The following BAIAP2 variants were observed in gnomAD, a reference collection of about 807,000 sequenced individuals.
BAIAP2 encodes BAR/IMD domain-containing adapter protein 2.
In BAIAP2, 18 loss-of-function variants were observed where a neutral mutation model predicts 63.0. The ratio of observed to expected loss-of-function variants is 0.29; its 90% CI spans 0.20 to 0.42. The LOEUF (loss-of-function observed/expected upper bound fraction) is 0.42. Among genes scored for constraint, BAIAP2 ranks in the 10% least tolerant of loss-of-function variants. The probability of loss-of-function intolerance (pLI) is 1.00; values close to 1 mark genes in which losing one functional copy is unlikely to be tolerated. For synonymous variants in BAIAP2, 386 were observed against 307.6 expected (o/e 1.25, Z -2.67); for missense variants, 610 against 734.3 (o/e 0.83, Z 1.96).
chr17:81,116,639 A>AC lies in BAIAP2; in HGVS notation c.*802dup. The AC allele has an allele frequency of 2.7e-6, 1 of 375,406 alleles. No individual in the cohort carries two copies. The highest frequency in any genetic ancestry group is 3.9e-5 in the South Asian group (1 of 25,432). The allele number at this position is 375,406 out of a possible 1,614,324, so 23.3% of individuals were successfully genotyped here. On this transcript the variant is annotated 3_prime_UTR_variant, in exon 14 of 14. Coordinates refer to ENST00000428708, the MANE Select transcript of BAIAP2 (RefSeq NM_001144888.2). ...GGTCTGCCCCAGGACTCCTGGGTGG[A>AC]CCTCCCCCCCCCACCTCCGCTGACT...
chr17:81,057,987 C>T lies in BAIAP2; in HGVS notation c.217+20C>T, dbSNP rs111933912. The T allele has an allele frequency of 2.6e-5, 30 of 1,149,204 alleles. 1 individual carries two copies. The highest frequency in any genetic ancestry group is 1.6e-4 in the Admixed American group (6 of 37,120). The allele number at this position is 1,149,204 out of a possible 1,614,324, so 71.2% of individuals were successfully genotyped here. A position where few individuals can be genotyped will look rare whatever the true frequency, so the allele number is the denominator to read the frequency against. On this transcript the variant is annotated intron_variant, in intron 3 of 13. Transcript: ENST00000428708. ...AACTCGGTGAGACCCCCCCCCCCCC[C>T]CCGCCTGGTAGTCGCCTGATGCCCT...
intron 1 of BAIAP2, among the ~76,000 whole-genome samples, chr17:81,038,500 G>A (rs1036052511): frequency 6.6e-6 from 1 of 152,224 alleles, no homozygotes. Context: ...TGTTGCAGAC[G>A]TGGCCATGGC....
intron 1 of BAIAP2, among the ~76,000 whole-genome samples, chr17:81,041,372 G>C (rs1453986362): frequency 6.6e-6 from 1 of 152,194 alleles, no homozygotes; most frequent in Non-Finnish European, 1.5e-5. Context: ...TGATGGGCAG[G>C]GGTGGGATGC....
At chr17:81,087,970 G>A (rs1006615961) in intron 6 of BAIAP2, 4 of 152,070 alleles carry the variant, frequency 2.6e-5, no homozygotes, top group Admixed American at 1.3e-4. Flanking sequence ...CTGCTGCAGC[G>A]AGCCGTCCTC....
intron 3 of BAIAP2, among the ~76,000 whole-genome samples, chr17:81,078,983 C>A (rs956907543): frequency 6.6e-6 from 1 of 152,138 alleles, no homozygotes; most frequent in African/African-American, 2.4e-5. Context: ...AGACCAGGCT[C>A]AGCCTGCAGG....
chr17:81,090,657 C>G (rs1028935358), intron 6 of BAIAP2, among the ~76,000 whole-genome samples: 9 of 152,244 alleles, frequency 5.9e-5, no homozygotes, highest in Non-Finnish European at 2.9e-5. Flanking sequence ...GAGGCCAGGC[C>G]TCGGAGCCGT....
At chr17:81,086,626 A>G in intron 6 of BAIAP2, 46 bp downstream of exon 6, 1 of 1,608,074 alleles carries the variant, frequency 6.2e-7, no homozygotes, top group Non-Finnish European at 8.5e-7. Context: ...CCACCTTGGG[A>G]CTGCTCACCC....
Position 81,116,376 on chromosome 17 carries a change from C to T in BAIAP2, c.*537C>T. The T allele has an allele frequency of 1.9e-6, 3 of 1,582,456 alleles. No homozygotes were observed. The highest frequency in any genetic ancestry group is 2.3e-5 in the South Asian group (2 of 88,772). Reference sequence around the variant, plus strand: ...TGGAGTGTGGGGCCTGGTCCCTCCCCATGCCCCTCGGTGGGGCTCTCCTGG... The same window carrying T: ...TGGAGTGTGGGGCCTGGTCCCTCCCTATGCCCCTCGGTGGGGCTCTCCTGG... On this transcript the variant is annotated 3_prime_UTR_variant, in exon 14 of 14. Transcript: ENST00000428708.
chr17:81,064,852 A>G (rs1196807562), intron 3 of BAIAP2, among the ~76,000 whole-genome samples: 1 of 152,214 alleles, frequency 6.6e-6, no homozygotes, highest in Non-Finnish European at 1.5e-5. Context: ...GTTAACTCTC[A>G]GGGCTTTGCT....
At chr17:81,085,372 A>G (rs1456722562) in intron 4 of BAIAP2, 2 of 604,066 alleles carry the variant, frequency 3.3e-6, no homozygotes, top group East Asian at 5.9e-5. Context: ...GATCCCCAGC[A>G]TGGGACAGCA....
intron 3 of BAIAP2, among the ~76,000 whole-genome samples, chr17:81,080,274 G>A (rs911409124): frequency 2.6e-5 from 4 of 152,256 alleles, no homozygotes; most frequent in East Asian, 3.8e-4. Context: ...GCTGGTGGCC[G>A]GACACATTCA....
chr17:81,104,885 C>T (rs1470670464), intron 10 of BAIAP2, among the ~76,000 whole-genome samples, 170 bp downstream of exon 10: 2 of 152,118 alleles, frequency 1.3e-5, no homozygotes, highest in Admixed American at 6.5e-5. Flanking sequence ...GGGTCTTCGC[C>T]ACCAACAGGC....
intron 3 of BAIAP2, among the ~76,000 whole-genome samples, chr17:81,082,518 G>A (rs2054815512): frequency 6.6e-6 from 1 of 152,200 alleles, no homozygotes; most frequent in African/African-American, 2.4e-5. Flanking sequence ...CCCTGCGGTG[G>A]ATGGGATCCT....
In BAIAP2 at chr17:81,099,131, C is replaced by G. The variant is rs142400383; in HGVS notation, c.490-797C>G. Among the ~76,000 whole-genome samples, 850 of 152,286 alleles carry G rather than the reference C, an allele frequency of 5.6e-3. 6 individuals carry two copies. Among genetic ancestry groups the G allele is most frequent in the African/African-American group, 0.02 (812 of 41,502 alleles). On this transcript the variant is annotated intron_variant, in intron 6 of 13. Transcript: ENST00000428708. Reference sequence around the variant, plus strand: ...CACACCCTGTTCCGAAAGGCGTGACCTGTGGATCTGATCTTGCTGTCCCCG... The same window carrying G: ...CACACCCTGTTCCGAAAGGCGTGACGTGTGGATCTGATCTTGCTGTCCCCG...
At chr17:81,053,340 G>C in intron 1 of BAIAP2, 1 of 290,452 alleles carries the variant, frequency 3.4e-6, no homozygotes, top group Non-Finnish European at 6.5e-6. Flanking sequence ...ACGGCACCTC[G>C]GCAGCGGCGC....
chr17:81,100,513 C>T (rs1598781939), intron 7 of BAIAP2, among the ~76,000 whole-genome samples: 3 of 152,202 alleles, frequency 2.0e-5, no homozygotes, highest in African/African-American at 7.2e-5. Context: ...TATCCACAGT[C>T]CTGGGGTACA....
intron 11 of BAIAP2, 103 bp downstream of exon 11, chr17:81,106,249 C>T: frequency 8.1e-7 from 1 of 1,237,830 alleles, no homozygotes; most frequent in Admixed American, 2.1e-5. Context: ...GCTTCCGGCT[C>T]CTTGTCTGCT....
Position 81,085,791 on chromosome 17 carries a change from C to T in BAIAP2, c.351+66C>T, listed in dbSNP as rs540756540. ...GGCTCCGGCTCTCCCAAATGCCTGC[C>T]ACTCCTTCCTCGGCCTGAAGGCTTC... On this transcript the variant is annotated intron_variant, in intron 5 of 13. Coordinates refer to ENST00000428708, the MANE Select transcript of BAIAP2 (RefSeq NM_001144888.2). The T allele has an allele frequency of 2.1e-5, 27 of 1,291,170 alleles. No individual in the cohort carries two copies. The Admixed American group carries it at 3.4e-4, about 16-fold the overall frequency. 80.0% of individuals were successfully genotyped at this position (1,291,170 alleles called of 1,614,324 possible).
chr17:81,037,441 T>C (rs1317065402), intron 1 of BAIAP2, among the ~76,000 whole-genome samples: 1 of 152,238 alleles, frequency 6.6e-6, no homozygotes, highest in African/African-American at 2.4e-5. Flanking sequence ...CTTTTTGTGC[T>C]TTGTCACTGG....
Sources: allele counts gnomAD v4.1 joint callset (sites outside exome capture counted in the v4.1 genomes callset), GRCh38; gene constraint gnomAD v4.1.1; transcripts MANE v1.5; gene names NCBI Gene and HGNC (gene_info 2026-07-23, HGNC 2026-07-21).